The following GAS7 variants were observed in gnomAD, a reference collection of about 807,000 sequenced individuals.
GAS7 encodes growth arrest specific 7.
In GAS7, 28 loss-of-function variants were observed where a neutral mutation model predicts 71.1. The ratio of observed to expected loss-of-function variants is 0.39; its 90% confidence interval spans 0.29 to 0.54. The LOEUF is 0.54. Ranked by LOEUF, GAS7 falls within the 20% of genes least tolerant of loss-of-function variation. GAS7 has a pLI of 0.62. For synonymous variants in GAS7, 258 were observed against 245.8 expected (o/e 1.05, Z -0.46); for missense variants, 436 against 627.8 (o/e 0.69, Z 3.27).
At chr17:9,927,002 T>C (rs1461388949) in intron 9 of GAS7, 4 of 508,222 alleles carry the variant, frequency 7.9e-6, no homozygotes, top group Admixed American at 3.2e-5. Flanking sequence ...ACAGGATAAG[T>C]GGTTAGCAAC....
rs72809338 is a variant in GAS7 at position 10,101,504 on chromosome 17, G to A, written c.184-81607C>T. The stretch of plus-strand genomic sequence containing the variant: ...GGAAGGGATTACACAAGAGTGACCA[G>A]GAGGCAGGGAGCACAGAAAGCCATC... On this transcript the variant is annotated intron_variant, in intron 1 of 13. Coordinates refer to ENST00000432992, the MANE Select transcript of GAS7 (RefSeq NM_201433.2). Among the ~76,000 whole-genome samples, 1,085 of 152,326 alleles carry A rather than the reference G, an allele frequency of 7.1e-3. 5 individuals are homozygous for A. The highest frequency in any genetic ancestry group is 0.012 in the Non-Finnish European group (802 of 68,030).
In GAS7 at chr17:9,915,652, G is replaced by A. The variant is rs539467944; in HGVS notation, c.*1576C>T. On this transcript the variant is annotated 3_prime_UTR_variant, in exon 14 of 14. Coordinates refer to ENST00000432992, the MANE Select transcript of GAS7 (RefSeq NM_201433.2). ...AAAATTAGAGATTAATAAGTCATCG[G>A]TTTCTAGCACGTTGACTGAAAGACC... 3 of 229,610 alleles carry A rather than the reference G, an allele frequency of 1.3e-5. No individual in the cohort carries two copies. The highest frequency in any genetic ancestry group is 1.2e-4 in the East Asian group (2 of 16,066). The allele number at this position is 229,610 out of a possible 1,614,324, so 14.2% of individuals were successfully genotyped here. A position where few individuals can be genotyped will look rare whatever the true frequency, so the allele number is the denominator to read the frequency against.
At chr17:10,020,596 T>C (rs989722983) in intron 1 of GAS7, among the ~76,000 whole-genome samples, 1 of 151,876 alleles carries the variant, frequency 6.6e-6, no homozygotes, top group African/African-American at 2.4e-5. Flanking sequence ...AAACTAGATA[T>C]CTAGTAGACA....
At chr17:10,046,781 AAAGAAAGGAAGGAAGGAAGGAAGG>A (rs1384248234) in intron 1 of GAS7, among the ~76,000 whole-genome samples, 6 of 104,570 alleles carry the variant, frequency 5.7e-5, no homozygotes, top group Middle Eastern at 3.7e-3. Flanking sequence ...AGAAAGAAAG[AAAGAAAGGAAGGAAGGAAGGAAGG>A]AAGGAAGGAA....
intron 1 of GAS7, among the ~76,000 whole-genome samples, chr17:10,124,189 C>T (rs1055645759): frequency 3.9e-5 from 6 of 152,212 alleles, no homozygotes; most frequent in Admixed American, 1.3e-4. Context: ...ACCAGCCCCT[C>T]GTGGCGGGGC....
intron 1 of GAS7, chr17:10,114,699 CACACA>C (rs1357884773): frequency 2.9e-4 from 1 of 3,398 alleles, no homozygotes; most frequent in African/African-American, 1.1e-3. Flanking sequence ...AGAAAAACCA[CACACA>C]CACACACACA....
chr17:10,162,297 T>C (rs2074263041), intron 1 of GAS7, among the ~76,000 whole-genome samples: 1 of 152,166 alleles, frequency 6.6e-6, no homozygotes, highest in Non-Finnish European at 1.5e-5. Context: ...GGCGGGCTTA[T>C]TTCAGGGGGA....
Position 10,139,724 on chromosome 17 carries a change from G to A in GAS7, c.183+58484C>T, listed in dbSNP as rs144192384. Among the ~76,000 whole-genome samples, 5 of 152,302 alleles carry A rather than the reference G, an allele frequency of 3.3e-5. No individual in the cohort carries two copies. In the East Asian group the frequency reaches 7.7e-4, roughly 24 times the overall value. On this transcript the variant is annotated intron_variant, in intron 1 of 13. Coordinates refer to ENST00000432992, the MANE Select transcript of GAS7 (RefSeq NM_201433.2). Reference sequence around the variant, plus strand: ...CCTTTCCTTATACATTCTGCTTAGCGTAGACCACAGGAAGATTTCTGGGAG... The same window carrying A: ...CCTTTCCTTATACATTCTGCTTAGCATAGACCACAGGAAGATTTCTGGGAG...
At chr17:10,010,889 A>G (rs765685391) in intron 2 of GAS7, among the ~76,000 whole-genome samples, 28 of 152,300 alleles carry the variant, frequency 1.8e-4, no homozygotes, top group Non-Finnish European at 4.0e-4. Context: ...CAGCTCTACA[A>G]TCTCCGTGCA....
intron 1 of GAS7, among the ~76,000 whole-genome samples, chr17:10,118,554 T>C (rs2073880436): frequency 6.6e-6 from 1 of 151,864 alleles, no homozygotes; most frequent in Non-Finnish European, 1.5e-5. Context: ...CTACTAAAAA[T>C]ACAAAAATTA....
intron 1 of GAS7, among the ~76,000 whole-genome samples, chr17:10,075,398 T>G (rs930007304): frequency 6.6e-6 from 1 of 151,866 alleles, no homozygotes; most frequent in Non-Finnish European, 1.5e-5. Context: ...AACTTCATAC[T>G]TAATGGAAAA....
intron 11 of GAS7, among the ~76,000 whole-genome samples, chr17:9,922,044 G>A (rs1208636586): frequency 6.6e-6 from 1 of 151,778 alleles, no homozygotes; most frequent in Non-Finnish European, 1.5e-5. Flanking sequence ...GTTATCCTGC[G>A]CTTGCCTCCG....
intron 1 of GAS7, among the ~76,000 whole-genome samples, chr17:10,024,035 A>G (rs1299244501): frequency 6.6e-6 from 1 of 152,164 alleles, no homozygotes; most frequent in Non-Finnish European, 1.5e-5. Flanking sequence ...GAGGCAGGAA[A>G]ATCACTTGAA....
intron 9 of GAS7, among the ~76,000 whole-genome samples, chr17:9,927,829 G>A (rs2068065040): frequency 6.6e-6 from 1 of 152,174 alleles, no homozygotes; most frequent in Non-Finnish European, 1.5e-5. Context: ...GGGAACTGTT[G>A]GAGACCTGCT....
intron 1 of GAS7, among the ~76,000 whole-genome samples, chr17:10,102,575 CCA>C (rs890563440): frequency 1.3e-5 from 2 of 152,152 alleles, no homozygotes; most frequent in Admixed American, 6.5e-5. Flanking sequence ...TGCCTCCACA[CCA>C]CCTTGGCTAC....
intron 2 of GAS7, among the ~76,000 whole-genome samples, chr17:9,993,407 T>C (rs2070919515): frequency 6.6e-6 from 1 of 152,246 alleles, no homozygotes; most frequent in Non-Finnish European, 1.5e-5. Context: ...TGTCTTCTTT[T>C]GAGAAGTGTC....
intron 1 of GAS7, among the ~76,000 whole-genome samples, chr17:10,098,349 C>A (rs995160239): frequency 3.9e-5 from 6 of 152,238 alleles, no homozygotes; most frequent in African/African-American, 1.4e-4. Context: ...TCACCCCATG[C>A]AGCCAGGGCT....
intron 1 of GAS7, among the ~76,000 whole-genome samples, chr17:10,174,564 C>T (rs960320528): frequency 2.0e-5 from 3 of 151,958 alleles, no homozygotes; most frequent in African/African-American, 4.8e-5. Flanking sequence ...CAGTGGCGGG[C>T]GCCTGTAGTC....
intron 1 of GAS7, among the ~76,000 whole-genome samples, chr17:10,131,342 G>A (rs2073995455): frequency 6.6e-6 from 1 of 152,196 alleles, no homozygotes; most frequent in Admixed American, 6.5e-5. Context: ...GTATTCCTGG[G>A]CAGGGTGTGG....
Sources: allele counts gnomAD v4.1 joint callset (sites outside exome capture counted in the v4.1 genomes callset), GRCh38; gene constraint gnomAD v4.1.1; transcripts MANE v1.5; gene names NCBI Gene and HGNC (gene_info 2026-07-23, HGNC 2026-07-21).